The following UNC5B variants were observed in gnomAD, a reference collection of about 807,000 sequenced individuals.
The protein encoded by UNC5B is unc-5 netrin receptor B.
A neutral mutation model predicts 103.7 loss-of-function variants in UNC5B; 56 were observed. That is an observed-to-expected ratio of 0.54 (90% CI 0.44 to 0.67). UNC5B has a LOEUF of 0.67. UNC5B is among the 30% of genes least tolerant of loss of function. UNC5B has a pLI of 0.00. For missense variants in UNC5B, 1,194 were observed against 1,284.5 expected, an observed-to-expected ratio of 0.93 and a Z score of 1.08; for synonymous variants, 577 against 542.0, an observed-to-expected ratio of 1.06 and a Z score of -0.90.
chr10:71,236,355 G>A (rs1474746357), intron 1 of UNC5B, among the ~76,000 whole-genome samples: 4 of 151,922 alleles, frequency 2.6e-5, no homozygotes, highest in African/African-American at 4.8e-5. Flanking sequence ...TGCCATGCCC[G>A]CCCTGCCTCA....
chr10:71,266,111 C>T (rs183193069), intron 1 of UNC5B, among the ~76,000 whole-genome samples: 7 of 152,136 alleles, frequency 4.6e-5, no homozygotes, highest in Admixed American at 4.6e-4. Context: ...CTTATCCCTC[C>T]TCAAGAAATC....
intron 1 of UNC5B, among the ~76,000 whole-genome samples, chr10:71,264,011 A>G (rs1319444319): frequency 6.6e-6 from 1 of 152,234 alleles, no homozygotes; most frequent in Non-Finnish European, 1.5e-5. Flanking sequence ...ATGTTGAACT[A>G]GAAGAAATTG....
chr10:71,293,386 A>G lies in UNC5B; in HGVS notation c.1773-19A>G. 1.2e-6 allele frequency: 2 copies of G among 1,606,086 alleles called. No homozygotes were observed. The highest frequency in any genetic ancestry group is 1.7e-6 in the Non-Finnish European group (2 of 1,175,400). ...CCGAGCTCTTCACTGCCTCTCTCCT[A>G]CCCTGTGTCCTCCTCCAGCCCGCTT... On this transcript the variant is annotated intron_variant, in intron 11 of 16. Coordinates refer to ENST00000335350, the MANE Select transcript of UNC5B (RefSeq NM_170744.5).
intron 1 of UNC5B, among the ~76,000 whole-genome samples, chr10:71,231,333 C>G (rs1415732896): frequency 2.0e-5 from 3 of 152,196 alleles, no homozygotes; most frequent in African/African-American, 7.2e-5. Flanking sequence ...GCAAACGTGC[C>G]TCTGGAGGGA....
In UNC5B at chr10:71,279,894, G is replaced by A. The variant is rs779024604; in HGVS notation, c.153G>A (p.Leu51=). 6.2e-7 allele frequency: 1 copy of A among 1,613,950 alleles called. No homozygotes were observed. Among genetic ancestry groups the A allele is most frequent in the South Asian group, 1.1e-5 (1 of 91,080 alleles). Residue 51 remains leucine (L), a synonymous_variant, in exon 2 of 17, where the codon CTG becomes CTA. Coordinates refer to ENST00000335350, the MANE Select transcript of UNC5B (RefSeq NM_170744.5). ...CAGCAGAGCCGCTGCCCTACTTCCT[G>A]CAGGAGCCACAGGACGCCTACATTG... ...SAPAEPLPYF[L]QEPQDAYIVK...
chr10:71,214,934 A>T (rs1005733779), intron 1 of UNC5B, among the ~76,000 whole-genome samples: 1 of 152,200 alleles, frequency 6.6e-6, no homozygotes, highest in Non-Finnish European at 1.5e-5. Context: ...CAGCGAGCAG[A>T]AGCGGTGTTG....
intron 1 of UNC5B, among the ~76,000 whole-genome samples, chr10:71,218,885 T>C (rs1415658909): frequency 1.3e-5 from 2 of 152,180 alleles, no homozygotes; most frequent in Admixed American, 6.5e-5. Context: ...CATCTCAGGC[T>C]GACGTGGCTG....
chr10:71,256,930 T>C (rs1255527650), intron 1 of UNC5B, among the ~76,000 whole-genome samples: 1 of 152,092 alleles, frequency 6.6e-6, no homozygotes, highest in African/African-American at 2.4e-5. Flanking sequence ...GAGGAAGACC[T>C]TGGGCAGGGT....
chr10:71,297,219 T>C (rs1203349544), intron 15 of UNC5B, among the ~76,000 whole-genome samples: 1 of 152,254 alleles, frequency 6.6e-6, no homozygotes, highest in Non-Finnish European at 1.5e-5. Context: ...ATTTATTGAT[T>C]GAGTGCCATT....
intron 10 of UNC5B, among the ~76,000 whole-genome samples, chr10:71,292,061 C>T (rs902831582): frequency 5.9e-5 from 9 of 152,234 alleles, no homozygotes; most frequent in Admixed American, 1.3e-4. Context: ...TTCTAAGCTT[C>T]AGTGTCTCTG....
At chr10:71,226,265 G>A (rs1843562127) in intron 1 of UNC5B, among the ~76,000 whole-genome samples, 1 of 152,066 alleles carries the variant, frequency 6.6e-6, no homozygotes, top group Admixed American at 6.6e-5. Flanking sequence ...AGTAGAGATG[G>A]GGTTTCACCA....
Position 71,280,056 on chromosome 10 carries a change from C to A in UNC5B, c.304+11C>A. On this transcript the variant is annotated intron_variant, in intron 2 of 16. Transcript: ENST00000335350. ...TGGATGAGGCCACCGGTGAGCCCGC[C>A]CCACTTGCCTGGGCACCCCAGGACA... The A allele has an allele frequency of 6.2e-7, 1 of 1,612,942 alleles. No homozygotes were observed. The highest frequency in any genetic ancestry group is 8.5e-7 in the Non-Finnish European group (1 of 1,179,870).
At chr10:71,223,844 C>G (rs1355294349) in intron 1 of UNC5B, among the ~76,000 whole-genome samples, 1 of 152,230 alleles carries the variant, frequency 6.6e-6, no homozygotes, top group African/African-American at 2.4e-5. Context: ...GTGGGCTGAG[C>G]AGGTGTATCT....
chr10:71,231,794 A>G (rs942072604), intron 1 of UNC5B, among the ~76,000 whole-genome samples: 1 of 152,186 alleles, frequency 6.6e-6, no homozygotes, highest in Non-Finnish European at 1.5e-5. Flanking sequence ...TAGCTTGGTC[A>G]TTCTCAACCT....
chr10:71,274,561 T>A (rs1006417910), intron 1 of UNC5B, among the ~76,000 whole-genome samples: 10 of 152,006 alleles, frequency 6.6e-5, no homozygotes, highest in Non-Finnish European at 1.5e-4. Context: ...AGACGTTGGA[T>A]GAGATGGCCC....
At chr10:71,296,030 G>A (rs1845403672) in intron 14 of UNC5B, 70 bp downstream of exon 14, 20 of 1,601,804 alleles carry the variant, frequency 1.2e-5, no homozygotes, top group East Asian at 2.2e-5. Flanking sequence ...GCTCCCTCCC[G>A]GGCCCTGCCT....
chr10:71,247,867 G>A (rs1844074187), intron 1 of UNC5B, among the ~76,000 whole-genome samples: 1 of 152,156 alleles, frequency 6.6e-6, no homozygotes, highest in South Asian at 2.1e-4. Context: ...AGTGATTTGG[G>A]GGTCTTACTT....
rs1440742818 is a variant in UNC5B at position 71,301,868 on chromosome 10, C to T, written c.*2591C>T. On this transcript the variant is annotated 3_prime_UTR_variant, in exon 17 of 17. Transcript: ENST00000335350. ...GGGGACCTTGTGATCTGCCGTGCCC[C>T]TCCTCCCTGTTCTTTTCTGTCCTCC... The T allele has an allele frequency of 2.6e-5, 4 of 152,276 alleles. No individual in the cohort carries two copies. The highest frequency in any genetic ancestry group is 2.1e-4 in the South Asian group (1 of 4,826). The allele number at this position is 152,276 out of a possible 1,614,324, so 9.4% of individuals were successfully genotyped here. A position where few individuals can be genotyped will look rare whatever the true frequency, so the allele number is the denominator to read the frequency against.
rs191434957 is a variant in UNC5B, at chr10:71,249,944, G to A, written c.80-29877G>A. On this transcript the variant is annotated intron_variant, in intron 1 of 16. Coordinates refer to ENST00000335350, the MANE Select transcript of UNC5B (RefSeq NM_170744.5). Reference sequence around the variant, plus strand: ...GTTCTGGTTGGGATGGGGTGGGGACGTGGTTCCTCTCCCCAAGCATATGTT... The same window carrying A: ...GTTCTGGTTGGGATGGGGTGGGGACATGGTTCCTCTCCCCAAGCATATGTT... Among the ~76,000 whole-genome samples, 320 of 152,298 alleles carry A rather than the reference G, an allele frequency of 2.1e-3. 2 individuals are homozygous for A. The highest frequency in any genetic ancestry group is 7.2e-3 in the African/African-American group (301 of 41,568).
Sources: allele counts gnomAD v4.1 joint callset (sites outside exome capture counted in the v4.1 genomes callset), GRCh38; gene constraint gnomAD v4.1.1; transcripts MANE v1.5; gene names NCBI Gene and HGNC (gene_info 2026-07-23, HGNC 2026-07-21).